The following POU6F2 variants were observed in gnomAD, a reference collection of about 807,000 sequenced individuals.
The protein encoded by POU6F2 is POU class 6 homeobox 2, also known as POU domain, class 6, transcription factor 2.
A neutral mutation model predicts 71.3 loss-of-function variants in POU6F2; 31 were observed. The observed-to-expected ratio is 0.43, with a 90% CI of 0.33 to 0.59. The LOEUF is 0.59. Ranked by LOEUF, POU6F2 falls within the 20% of genes least tolerant of loss-of-function variation. The pLI is 0.04. For synonymous variants in POU6F2, 347 were observed against 355.7 expected (o/e 0.98, Z 0.27); for missense variants, 783 against 856.8 (o/e 0.91, Z 1.07).
intron 7 of POU6F2, among the ~76,000 whole-genome samples, chr7:39,443,066 G>A (rs73388355): frequency 0.024 from 3,607 of 152,156 alleles, 140 homozygotes; most frequent in African/African-American, 0.083. Context: ...TCTCTCACAG[G>A]CCCAGACACA....
chr7:39,018,989 G>A (rs1235228517), intron 1 of POU6F2, among the ~76,000 whole-genome samples: 1 of 152,086 alleles, frequency 6.6e-6, no homozygotes, highest in Non-Finnish European at 1.5e-5. Context: ...CAGGACGATT[G>A]CATGACCAAC....
rs184037937 is a variant in POU6F2 at position 39,211,995 on chromosome 7, C to T, written c.598+4375C>T. ...GGAACTCTCCATTTTTCTCTGTCTC[C>T]ATCATCTTTATCCTTATCTCCATGT... On this transcript the variant is annotated intron_variant, in intron 4 of 9. Coordinates refer to ENST00000518318, the MANE Select transcript of POU6F2 (RefSeq NM_001370959.1). Among the ~76,000 whole-genome samples the T allele has an allele frequency of 3.3e-3, 498 of 152,274 alleles. 5 individuals carry two copies. The highest frequency in any genetic ancestry group is 0.012 in the African/African-American group (487 of 41,544).
At chr7:39,002,336 TTTG>T (rs527720585) in intron 1 of POU6F2, among the ~76,000 whole-genome samples, 16 of 144,618 alleles carry the variant, frequency 1.1e-4, no homozygotes, top group African/African-American at 3.0e-4. Flanking sequence ...ATTTACAAGT[TTTG>T]TTGTTGTTGT....
intron 6 of POU6F2, among the ~76,000 whole-genome samples, chr7:39,416,558 A>G (rs1262013060): frequency 6.6e-6 from 1 of 152,242 alleles, no homozygotes; most frequent in Non-Finnish European, 1.5e-5. Context: ...GACCCCACAC[A>G]TTTCTAGATC....
chr7:39,369,625 A>T (rs572854382), intron 5 of POU6F2, among the ~76,000 whole-genome samples: 1 of 152,070 alleles, frequency 6.6e-6, no homozygotes, highest in Non-Finnish European at 1.5e-5. Flanking sequence ...TGGCCTCCCA[A>T]AGTGCTGGGA....
At chr7:39,211,460 G>C (rs1436449637) in intron 4 of POU6F2, among the ~76,000 whole-genome samples, 1 of 152,198 alleles carries the variant, frequency 6.6e-6, no homozygotes, top group African/African-American at 2.4e-5. Context: ...AAGCCCTCTT[G>C]AAGTCCTTGC....
chr7:39,387,823 A>G (rs531516335), intron 5 of POU6F2, among the ~76,000 whole-genome samples: 4 of 152,330 alleles, frequency 2.6e-5, no homozygotes, highest in African/African-American at 9.6e-5. Context: ...AAAGTCACAG[A>G]ATGAATCTAA....
At chr7:39,123,289 TG>T (rs1792082129) in intron 2 of POU6F2, among the ~76,000 whole-genome samples, 1 of 152,214 alleles carries the variant, frequency 6.6e-6, no homozygotes, top group African/African-American at 2.4e-5. Flanking sequence ...CCTATGGCAG[TG>T]AATACACATT....
At chr7:39,204,816 C>T (rs953591534) in intron 3 of POU6F2, among the ~76,000 whole-genome samples, 1 of 151,684 alleles carries the variant, frequency 6.6e-6, no homozygotes, top group Non-Finnish European at 1.5e-5. Flanking sequence ...GAAATACAAT[C>T]ATTATTTTTT....
At chr7:39,176,696 G>A (rs1182248393) in intron 2 of POU6F2, among the ~76,000 whole-genome samples, 1 of 152,150 alleles carries the variant, frequency 6.6e-6, no homozygotes, top group Non-Finnish European at 1.5e-5. Flanking sequence ...AAAAGAAAAT[G>A]CATGCATACA....
At chr7:39,049,473 T>C (rs900808514) in intron 1 of POU6F2, among the ~76,000 whole-genome samples, 1 of 152,048 alleles carries the variant, frequency 6.6e-6, no homozygotes, top group Admixed American at 6.6e-5. Context: ...ATTCATCAGA[T>C]CTCTTTCTTT....
Position 39,204,303 on chromosome 7 carries a change from C to G in POU6F2, c.346C>G (p.Pro116Ala), listed in dbSNP as rs1336021404. The G allele has an allele frequency of 1.2e-6, 2 of 1,613,572 alleles. No individual in the cohort carries two copies. Among genetic ancestry groups the G allele is most frequent in the Non-Finnish European group, 8.5e-7 (1 of 1,179,708 alleles). Reference protein sequence around the residue: ...PDQHQASQTHPPFPVGPQPLL... With the variant: ...PDQHQASQTHAPFPVGPQPLL... ...CCAACACCAGGCCAGTCAGACCCAC[C>G]CCCCATTTCCAGTTGGGCCACAGGT... Residue 116 changes from proline to alanine, a missense_variant, in exon 3 of 10, where the codon CCC (proline) becomes GCC (alanine). This residue lies in a region of POU6F2 where 572 missense variants were observed against 572.9 expected (regional missense o/e 1.00). Transcript: ENST00000518318.
At chr7:39,450,160 G>A (rs1237820717) in intron 7 of POU6F2, among the ~76,000 whole-genome samples, 1 of 152,166 alleles carries the variant, frequency 6.6e-6, no homozygotes, top group Non-Finnish European at 1.5e-5. Context: ...TGGGAAAGCA[G>A]TGACAAATAT....
intron 2 of POU6F2, among the ~76,000 whole-genome samples, chr7:39,148,543 T>C (rs1792669914): frequency 6.6e-6 from 1 of 152,152 alleles, no homozygotes; most frequent in Non-Finnish European, 1.5e-5. Flanking sequence ...ATAGTGATAA[T>C]GGTGATGATG....
At chr7:39,399,045 G>A (rs558181482) in intron 5 of POU6F2, among the ~76,000 whole-genome samples, 87 of 152,256 alleles carry the variant, frequency 5.7e-4, no homozygotes, top group Non-Finnish European at 1.0e-3. Flanking sequence ...CCACTTTCAA[G>A]GTAGAATGGT....
intron 1 of POU6F2, among the ~76,000 whole-genome samples, chr7:39,022,656 A>T (rs1311914125): frequency 2.6e-5 from 4 of 152,232 alleles, no homozygotes; most frequent in East Asian, 1.9e-4. Flanking sequence ...TCAGTGTAAC[A>T]TCTGTGATAT....
chr7:39,439,639 A>G (rs1462256170), intron 7 of POU6F2, among the ~76,000 whole-genome samples: 1 of 152,000 alleles, frequency 6.6e-6, no homozygotes, highest in Non-Finnish European at 1.5e-5. Flanking sequence ...ACAGGCATGC[A>G]CCACCACACC....
chr7:39,101,134 C>T (rs555530906), intron 2 of POU6F2, among the ~76,000 whole-genome samples: 4 of 149,034 alleles, frequency 2.7e-5, no homozygotes, highest in East Asian at 2.0e-4. Context: ...AGTGCAATGG[C>T]GCAACCTTGG....
chr7:39,384,621 T>G (rs576634732), intron 5 of POU6F2, among the ~76,000 whole-genome samples: 3 of 152,244 alleles, frequency 2.0e-5, no homozygotes, highest in Non-Finnish European at 2.9e-5. Flanking sequence ...TGCTGCTCCC[T>G]CTCAGCACTG....
Sources: allele counts gnomAD v4.1 joint callset (sites outside exome capture counted in the v4.1 genomes callset), GRCh38; gene constraint gnomAD v4.1.1; regional missense constraint gnomAD v4.1.1; transcripts MANE v1.5; gene names NCBI Gene and HGNC (gene_info 2026-07-23, HGNC 2026-07-21).